Variants in APBB2 observed in about 807,000 individuals in gnomAD.
The protein encoded by APBB2 is amyloid beta precursor protein binding family B member 2, also known as Fe65-like 1.
APBB2 carries 38 observed loss-of-function variants against 82.5 expected under a neutral mutation model. The ratio of observed to expected loss-of-function variants is 0.46; its 90% confidence interval spans 0.36 to 0.60. APBB2 has a LOEUF of 0.60. Among genes scored for constraint, APBB2 ranks in the 20% least tolerant of loss-of-function variants. The pLI, the probability that APBB2 is intolerant of heterozygous loss-of-function variation, is 0.00. For missense variants in APBB2, 772 were observed against 972.3 expected (o/e 0.79, Z 2.74); for synonymous variants, 341 against 368.2 (o/e 0.93, Z 0.85).
chr4:40,990,564 C>T (rs1801736273), intron 6 of APBB2, among the ~76,000 whole-genome samples: 1 of 152,166 alleles, frequency 6.6e-6, no homozygotes, highest in African/African-American at 2.4e-5. Context: ...AGGATTTCCA[C>T]AGCCTACCAT....
chr4:40,842,758 G>A lies in APBB2; in HGVS notation c.1530-12181C>T, dbSNP rs779237291. Among the ~76,000 whole-genome samples the A allele has an allele frequency of 3.9e-5, 6 of 152,128 alleles. No individual in the cohort carries two copies. In the East Asian group the frequency reaches 5.8e-4, roughly 15 times the overall value. On this transcript the variant is annotated intron_variant, in intron 12 of 17. Coordinates refer to ENST00000508593, the MANE Select transcript of APBB2 (RefSeq NM_004307.2). Reference sequence around the variant, plus strand: ...CCAATAAAAAACATACAGAAACAACGGCATGGACATAGCCTTACCTGTTTT... The same window carrying A: ...CCAATAAAAAACATACAGAAACAACAGCATGGACATAGCCTTACCTGTTTT...
At chr4:40,905,761 A>G (rs1278543839) in intron 10 of APBB2, among the ~76,000 whole-genome samples, 2 of 152,172 alleles carry the variant, frequency 1.3e-5, no homozygotes, top group African/African-American at 2.4e-5. Flanking sequence ...CTGGGGATTC[A>G]GCATCTACTT....
At chr4:41,000,025 A>C (rs991147376) in intron 6 of APBB2, among the ~76,000 whole-genome samples, 2 of 150,538 alleles carry the variant, frequency 1.3e-5, no homozygotes, top group African/African-American at 4.9e-5. Context: ...CAAAAAAAAA[A>C]CAAACGTGTG....
At chr4:41,030,657 T>C (rs1489292133) in intron 5 of APBB2, among the ~76,000 whole-genome samples, 1 of 152,116 alleles carries the variant, frequency 6.6e-6, no homozygotes, top group Non-Finnish European at 1.5e-5. Flanking sequence ...GCTCTAGACT[T>C]ACGGGCAAGC....
intron 12 of APBB2, chr4:40,857,326 C>T: frequency 3.6e-6 from 1 of 274,178 alleles, no homozygotes; most frequent in Non-Finnish European, 5.6e-6. Flanking sequence ...TGGCTCAGGG[C>T]CGGCAAGGAG....
intron 6 of APBB2, among the ~76,000 whole-genome samples, chr4:41,013,248 T>A (rs970168813): frequency 6.6e-6 from 1 of 152,212 alleles, no homozygotes; most frequent in East Asian, 1.9e-4. Context: ...AACCCAGTAT[T>A]TCTAGATAGC....
intron 6 of APBB2, among the ~76,000 whole-genome samples, chr4:40,945,304 C>T (rs979721584): frequency 1.1e-4 from 16 of 152,150 alleles, no homozygotes; most frequent in Non-Finnish European, 5.9e-5. Flanking sequence ...CACCTGAGAA[C>T]AGGGACACAA....
intron 10 of APBB2, among the ~76,000 whole-genome samples, chr4:40,917,368 G>A (rs931676777): frequency 6.6e-6 from 1 of 152,118 alleles, no homozygotes; most frequent in Non-Finnish European, 1.5e-5. Context: ...GGTCTCCCGG[G>A]CTGGAAGCAG....
intron 1 of APBB2, among the ~76,000 whole-genome samples, chr4:41,183,759 C>T (rs141134374): frequency 0.01 from 1,542 of 151,574 alleles, 18 homozygotes; most frequent in South Asian, 0.057. Flanking sequence ...GTTGTTTAAG[C>T]CAGTTGTCCC....
intron 1 of APBB2, among the ~76,000 whole-genome samples, chr4:41,178,283 T>C (rs1033747326): frequency 6.6e-5 from 10 of 152,202 alleles, no homozygotes; most frequent in African/African-American, 1.4e-4. Flanking sequence ...ATCCTACAGG[T>C]AGCCAAATAG....
At chr4:40,822,806 C>T (rs992505930) in intron 16 of APBB2, among the ~76,000 whole-genome samples, 14 of 152,050 alleles carry the variant, frequency 9.2e-5, no homozygotes, top group Non-Finnish European at 1.8e-4. Flanking sequence ...TGTGAGAGGT[C>T]GGGAAGTTTT....
At chr4:40,958,191 AT>A (rs1489976996) in intron 6 of APBB2, among the ~76,000 whole-genome samples, 1 of 152,216 alleles carries the variant, frequency 6.6e-6, no homozygotes, top group Admixed American at 6.5e-5. Flanking sequence ...ATATTTTAAT[AT>A]TTTATCACTG....
At chr4:40,882,468 A>G (rs1768914823) in intron 12 of APBB2, among the ~76,000 whole-genome samples, 1 of 152,224 alleles carries the variant, frequency 6.6e-6, no homozygotes, top group African/African-American at 2.4e-5. Context: ...CGTGTGATGA[A>G]GCCAGTTCTG....
At chr4:40,997,022 C>T (rs763589060) in intron 6 of APBB2, among the ~76,000 whole-genome samples, 1 of 152,072 alleles carries the variant, frequency 6.6e-6, no homozygotes, top group Admixed American at 6.6e-5. Flanking sequence ...CTTACATGAC[C>T]GCTGCATATG....
At chr4:40,909,147 G>A (rs1343731447) in intron 10 of APBB2, among the ~76,000 whole-genome samples, 3 of 152,108 alleles carry the variant, frequency 2.0e-5, no homozygotes, top group South Asian at 2.1e-4. Flanking sequence ...AAGAAAGGCC[G>A]GTGCACCATG....
rs538549533 is a variant in APBB2, at chr4:40,987,667, GT to G, written c.835+25915del. On this transcript the variant is annotated intron_variant, in intron 6 of 17. Transcript: ENST00000508593. ...CGTGAGAATTCTCATGAGGGTTCTG[GT>G]TGATGGCCACAAAATGGAAAAGGCA... Among the ~76,000 whole-genome samples, 422 of 152,294 alleles carry G rather than the reference GT, an allele frequency of 2.8e-3. 3 individuals are homozygous for G. The highest frequency in any genetic ancestry group is 9.8e-3 in the African/African-American group (409 of 41,562).
intron 3 of APBB2, among the ~76,000 whole-genome samples, chr4:41,094,878 T>G (rs1743015318): frequency 6.6e-6 from 1 of 152,192 alleles, no homozygotes; most frequent in South Asian, 2.1e-4. Context: ...GTCAACCACA[T>G]TTTATTGAGT....
chr4:40,982,266 GAAAGAAA>G lies in APBB2; in HGVS notation c.835+31310_835+31316del, dbSNP rs1798818669. Reference sequence around the variant, plus strand: ...AGAAAGAAAGAAAGAAAGAAAGAAAGAAAGAAAGAAAGAAAGAAGGAAGGAAGGAAGG... The same window carrying G: ...AGAAAGAAAGAAAGAAAGAAAGAAAGGAAAGAAAGAAGGAAGGAAGGAAGG... On this transcript the variant is annotated intron_variant, in intron 6 of 17. Transcript: ENST00000508593. 1.3e-4 allele frequency among the ~76,000 whole-genome samples: 4 copies of G among 31,736 alleles called. 1 individual carries two copies. In the South Asian group the frequency reaches 4.2e-3, roughly 33 times the overall value. The allele number at this position is 31,736 out of a possible 152,430, so 20.8% of individuals were successfully genotyped here. A position where few individuals can be genotyped will look rare whatever the true frequency, so the allele number is the denominator to read the frequency against.
intron 12 of APBB2, among the ~76,000 whole-genome samples, chr4:40,876,374 C>T (rs981426830): frequency 6.6e-6 from 1 of 152,164 alleles, no homozygotes; most frequent in Non-Finnish European, 1.5e-5. Context: ...CTGTCCTTTC[C>T]CAGGTAATCA....
Sources: gnomAD v4.1 joint callset for allele counts (sites outside exome capture counted in the v4.1 genomes callset) on GRCh38, gnomAD v4.1.1 for gene constraint, MANE v1.5 for transcripts, NCBI Gene and HGNC (gene_info 2026-07-23, HGNC 2026-07-21) for gene names.